The following CHCHD3 variants were observed in gnomAD, a reference collection of about 807,000 sequenced individuals.
The protein encoded by CHCHD3 is MICOS complex subunit MIC19.
A neutral mutation model predicts 38.2 loss-of-function variants in CHCHD3; 20 were observed. That is an observed-to-expected ratio of 0.52 (90% CI 0.37 to 0.76). The LOEUF (loss-of-function observed/expected upper bound fraction) is 0.76. CHCHD3 is among the 30% of genes least tolerant of loss of function. CHCHD3 has a pLI of 0.00. For missense variants in CHCHD3, 245 were observed against 279.2 expected (o/e 0.88, Z 0.87); for synonymous variants, 82 against 100.0 (o/e 0.82, Z 1.07).
At chr7:132,908,947 T>C (rs1262712169) in intron 4 of CHCHD3, among the ~76,000 whole-genome samples, 2 of 152,160 alleles carry the variant, frequency 1.3e-5, no homozygotes, top group South Asian at 2.1e-4. Context: ...TCATCTTCAA[T>C]TGTAGTTCCC....
intron 2 of CHCHD3, among the ~76,000 whole-genome samples, chr7:133,064,677 A>G (rs1814619156): frequency 6.6e-6 from 1 of 152,240 alleles, no homozygotes; most frequent in African/African-American, 2.4e-5. Flanking sequence ...GCTGCCAAAT[A>G]CTTAGTGATC....
At chr7:133,020,342 A>G (rs920062135) in intron 3 of CHCHD3, among the ~76,000 whole-genome samples, 1 of 152,178 alleles carries the variant, frequency 6.6e-6, no homozygotes, top group Non-Finnish European at 1.5e-5. Context: ...GCAGGTCTGC[A>G]TTAGATTTAG....
At chr7:132,983,678 T>C (rs557608157) in intron 3 of CHCHD3, among the ~76,000 whole-genome samples, 13 of 152,228 alleles carry the variant, frequency 8.5e-5, no homozygotes, top group Non-Finnish European at 1.5e-4. Context: ...ATGGGACCCA[T>C]ACAAAGTGTC....
At chr7:133,016,123 G>T (rs10227864) in intron 3 of CHCHD3, among the ~76,000 whole-genome samples, 1 of 151,954 alleles carries the variant, frequency 6.6e-6, no homozygotes, top group Non-Finnish European at 1.5e-5. Context: ...GATGTGGGTG[G>T]GGACATAGAA....
At chr7:132,839,634 A>C (rs1352817970) in intron 5 of CHCHD3, among the ~76,000 whole-genome samples, 1 of 152,236 alleles carries the variant, frequency 6.6e-6, no homozygotes, top group African/African-American at 2.4e-5. Flanking sequence ...TTTTTAATAA[A>C]TCATTGTTGG....
At chr7:133,003,071 T>A (rs1197658969) in intron 3 of CHCHD3, among the ~76,000 whole-genome samples, 1 of 151,948 alleles carries the variant, frequency 6.6e-6, no homozygotes, top group African/African-American at 2.4e-5. Flanking sequence ...GCCAAGGAGG[T>A]CAATTCGGAT....
intron 6 of CHCHD3, among the ~76,000 whole-genome samples, chr7:132,831,540 G>A (rs1807651616): frequency 6.6e-6 from 1 of 152,122 alleles, no homozygotes; most frequent in Non-Finnish European, 1.5e-5. Flanking sequence ...TACTCAATAA[G>A]GGAGCTGGAG....
intron 3 of CHCHD3, among the ~76,000 whole-genome samples, chr7:133,001,601 G>A (rs747373113): frequency 3.6e-4 from 55 of 152,040 alleles, no homozygotes; most frequent in Non-Finnish European, 6.6e-4. Flanking sequence ...AATTACACAT[G>A]GCATAGCTTT....
At chr7:132,935,079 G>A (rs1810604687) in intron 4 of CHCHD3, among the ~76,000 whole-genome samples, 1 of 151,918 alleles carries the variant, frequency 6.6e-6, no homozygotes, top group South Asian at 2.1e-4. Flanking sequence ...ACCCCCAAAG[G>A]ACCACGATGA....
At chr7:133,006,578 T>C (rs780176703) in intron 3 of CHCHD3, among the ~76,000 whole-genome samples, 1 of 152,004 alleles carries the variant, frequency 6.6e-6, no homozygotes, top group Non-Finnish European at 1.5e-5. Flanking sequence ...ACAACACTGG[T>C]TTAACTACTA....
intron 4 of CHCHD3, among the ~76,000 whole-genome samples, chr7:132,961,337 T>G (rs1811314064): frequency 6.6e-6 from 1 of 152,128 alleles, no homozygotes; most frequent in Non-Finnish European, 1.5e-5. Context: ...AAGCAACCAT[T>G]CGAAAAGATG....
intron 2 of CHCHD3, among the ~76,000 whole-genome samples, chr7:133,036,509 G>A (rs1813680493): frequency 6.6e-6 from 1 of 152,050 alleles, no homozygotes; most frequent in South Asian, 2.1e-4. Context: ...TATACCATAG[G>A]ATTGTGAAAT....
intron 3 of CHCHD3, among the ~76,000 whole-genome samples, chr7:132,984,097 C>A (rs1812004095): frequency 1.3e-5 from 2 of 151,756 alleles, no homozygotes; most frequent in Admixed American, 1.3e-4. Flanking sequence ...TTTCCACGGT[C>A]TCCCCCTGAT....
chr7:133,034,692 T>C (rs1418775592), intron 2 of CHCHD3: 1 of 1,613,240 alleles, frequency 6.2e-7, no homozygotes, highest in Non-Finnish European at 8.5e-7. Context: ...AACCAGCGTC[T>C]GGGTCTCCTC....
rs1813663435 is a variant in CHCHD3, at chr7:133,035,968, G to A, written c.170-11341C>T. 7.6e-7 allele frequency: 1 copy of A among 1,319,948 alleles called. No homozygotes were observed. The highest frequency in any genetic ancestry group is 1.9e-5 in the Admixed American group (1 of 51,660). The allele number at this position is 1,319,948 out of a possible 1,614,324, so 81.8% of individuals were successfully genotyped here. On this transcript the variant is annotated intron_variant, in intron 2 of 7. Coordinates refer to ENST00000262570, the MANE Select transcript of CHCHD3 (RefSeq NM_017812.4). The surrounding 1 kb of genome is among the most constrained non-coding windows in gnomAD (Gnocchi z 4.7). ...GGATCCAGTCTTAAAAGTGTTATCA[G>A]GTAGGGGTCCTTAGGGGAACTGTTT...
At chr7:132,976,706 C>T (rs1811776985) in intron 3 of CHCHD3, among the ~76,000 whole-genome samples, 1 of 151,920 alleles carries the variant, frequency 6.6e-6, no homozygotes, top group African/African-American at 2.4e-5. Context: ...ATGATGAGCA[C>T]CAAATTCTAC....
In CHCHD3 at chr7:132,878,316, C is replaced by T. The variant is rs192894680; in HGVS notation, c.453+7346G>A. Among the ~76,000 whole-genome samples, 7 of 151,952 alleles carry T rather than the reference C, an allele frequency of 4.6e-5. No homozygotes were observed. In the East Asian group the frequency reaches 1.4e-3, roughly 29 times the overall value. ...CATTATTTTTTCCCCAAGCTTCACA[C>T]AGAGGAGCACAGAAGCAAAGGTACT... On this transcript the variant is annotated intron_variant, in intron 5 of 7. Coordinates refer to ENST00000262570, the MANE Select transcript of CHCHD3 (RefSeq NM_017812.4).
At chr7:133,039,150 G>C (rs1370395779) in intron 2 of CHCHD3, among the ~76,000 whole-genome samples, 1 of 152,014 alleles carries the variant, frequency 6.6e-6, no homozygotes, top group African/African-American at 2.4e-5. Context: ...CTTAGTCCAT[G>C]CACACGCCAC....
intron 2 of CHCHD3, among the ~76,000 whole-genome samples, chr7:133,027,820 G>A (rs1002252114): frequency 3.9e-5 from 6 of 152,064 alleles, no homozygotes; most frequent in East Asian, 1.9e-4. Context: ...ATTTTTAAAC[G>A]ATCCAAATAA....
Sources: gnomAD v4.1 joint callset for allele counts (sites outside exome capture counted in the v4.1 genomes callset) on GRCh38, gnomAD v4.1.1 for gene constraint, Gnocchi (gnomAD v3.1) non-coding constraint, MANE v1.5 for transcripts, NCBI Gene and HGNC (gene_info 2026-07-23, HGNC 2026-07-21) for gene names.